The following HS3ST4 variants were observed in gnomAD, a reference collection of about 807,000 sequenced individuals.
The protein encoded by HS3ST4 is heparan sulfate glucosamine 3-O-sulfotransferase 4.
A neutral mutation model predicts 29.2 loss-of-function variants in HS3ST4; 17 were observed. The observed-to-expected ratio is 0.58, with a 90% CI of 0.40 to 0.87. The LOEUF (loss-of-function observed/expected upper bound fraction) is 0.87, where lower values mean the gene tolerates loss of function less well. HS3ST4 is among the 40% of genes least tolerant of loss of function. The pLI is 0.00. For synonymous variants in HS3ST4, 314 were observed against 285.7 expected (o/e 1.10, Z -1.00); for missense variants, 627 against 634.5 (o/e 0.99, Z 0.13).
chr16:26,059,969 G>A (rs905884387), intron 1 of HS3ST4, among the ~76,000 whole-genome samples: 1 of 151,984 alleles, frequency 6.6e-6, no homozygotes, highest in South Asian at 2.1e-4. Context: ...TAGTAGAGAT[G>A]GGGTTTCACT....
At chr16:26,060,964 T>C (rs1163723167) in intron 1 of HS3ST4, among the ~76,000 whole-genome samples, 2 of 152,228 alleles carry the variant, frequency 1.3e-5, no homozygotes, top group Admixed American at 6.5e-5. Context: ...CTCAGTATTT[T>C]ATAAAGATGT....
At chr16:26,107,798 G>T (rs896084993) in intron 1 of HS3ST4, among the ~76,000 whole-genome samples, 1 of 152,134 alleles carries the variant, frequency 6.6e-6, no homozygotes, top group African/African-American at 2.4e-5. Context: ...TCGGTTGATA[G>T]GCTCTTAGGT....
chr16:25,736,045 C>G (rs1271530282), intron 1 of HS3ST4, among the ~76,000 whole-genome samples: 2 of 152,238 alleles, frequency 1.3e-5, no homozygotes. Flanking sequence ...TTCTACCTAA[C>G]TTTGCAATAC....
chr16:26,117,417 T>G lies in HS3ST4; in HGVS notation c.735-18195T>G, dbSNP rs185838256. On this transcript the variant is annotated intron_variant, in intron 1 of 1. Coordinates refer to ENST00000331351, the MANE Select transcript of HS3ST4 (RefSeq NM_006040.3). ...TTTGAGTTTATCCCTGACTTGTAAC[T>G]TGCCTTCTAGCGTGAACTCTGAAAT... 2.4e-3 allele frequency among the ~76,000 whole-genome samples: 361 copies of G among 152,356 alleles called. 1 individual carries two copies. The highest frequency in any genetic ancestry group is 4.3e-3 in the Non-Finnish European group (295 of 68,036).
intron 1 of HS3ST4, among the ~76,000 whole-genome samples, chr16:25,908,529 A>T (rs1013958951): frequency 6.6e-6 from 1 of 152,118 alleles, no homozygotes; most frequent in Non-Finnish European, 1.5e-5. Context: ...ATCTCACCCT[A>T]AAGGTGAGGT....
intron 1 of HS3ST4, among the ~76,000 whole-genome samples, chr16:25,873,417 C>CCATCCACCCATCCATCCATTTGT (rs1555470002): frequency 1.8e-4 from 19 of 103,310 alleles, no homozygotes; most frequent in African/African-American, 4.2e-4. Flanking sequence ...CATCCATCCA[C>CCATCCACCCATCCATCCATTTGT]CCATCCATCC....
chr16:25,828,291 T>TCC lies in HS3ST4; in HGVS notation c.734+135141_734+135142insCC, dbSNP rs1232021751. Among the ~76,000 whole-genome samples, 65 of 89,492 alleles carry TCC rather than the reference T, an allele frequency of 7.3e-4. 1 individual carries two copies. The highest frequency in any genetic ancestry group is 1.9e-3 in the South Asian group (4 of 2,148). The allele number at this position is 89,492 out of a possible 152,430, so 58.7% of individuals were successfully genotyped here. On this transcript the variant is annotated intron_variant, in intron 1 of 1. Coordinates refer to ENST00000331351, the MANE Select transcript of HS3ST4 (RefSeq NM_006040.3). Reference sequence around the variant, plus strand: ...TTCTTTCTTTCTTTCTTTCTTTCTTTCTTTCTTTCCCTCTCTCTCTCTCTC... The same window carrying TCC: ...TTCTTTCTTTCTTTCTTTCTTTCTTTCCCTTTCTTTCCCTCTCTCTCTCTCTC...
At chr16:25,981,626 TA>T (rs1969006901) in intron 1 of HS3ST4, among the ~76,000 whole-genome samples, 1 of 147,168 alleles carries the variant, frequency 6.8e-6, no homozygotes, top group Non-Finnish European at 1.5e-5. Context: ...TTTTTTTTTT[TA>T]GACGGAATCT....
At chr16:25,942,344 G>A (rs1232920161) in intron 1 of HS3ST4, among the ~76,000 whole-genome samples, 2 of 152,166 alleles carry the variant, frequency 1.3e-5, no homozygotes, top group East Asian at 3.9e-4. Context: ...AGTTCTGAAT[G>A]TTTGTTGAGC....
chr16:25,813,011 A>G (rs938814999), intron 1 of HS3ST4, among the ~76,000 whole-genome samples: 1 of 152,188 alleles, frequency 6.6e-6, no homozygotes, highest in African/African-American at 2.4e-5. Context: ...GGCTCAACTC[A>G]CAGACTAGAT....
chr16:25,790,420 CAT>C (rs1026373463), intron 1 of HS3ST4, among the ~76,000 whole-genome samples: 10 of 151,694 alleles, frequency 6.6e-5, no homozygotes, highest in African/African-American at 2.2e-4. Context: ...AAAACAAAAA[CAT>C]AAAGAAAAAC....
intron 1 of HS3ST4, among the ~76,000 whole-genome samples, chr16:25,908,644 AG>A (rs1471609143): frequency 1.3e-5 from 2 of 152,228 alleles, no homozygotes; most frequent in East Asian, 3.9e-4. Context: ...CAAACCCTCA[AG>A]GTCAAGTGTA....
chr16:25,862,163 A>ATATTTATTTATTTATT (rs60894635), intron 1 of HS3ST4, among the ~76,000 whole-genome samples: 23 of 144,702 alleles, frequency 1.6e-4, no homozygotes, highest in Non-Finnish European at 2.3e-4. Context: ...ATTTATTTAC[A>ATATTTATTTATTTATT]TATTTATTTA....
At chr16:25,947,130 C>G (rs1484638818) in intron 1 of HS3ST4, among the ~76,000 whole-genome samples, 1 of 152,114 alleles carries the variant, frequency 6.6e-6, no homozygotes, top group African/African-American at 2.4e-5. Flanking sequence ...AAAGATGGCT[C>G]TGATCGCAAT....
At chr16:25,950,690 A>G (rs984754185) in intron 1 of HS3ST4, among the ~76,000 whole-genome samples, 1 of 152,094 alleles carries the variant, frequency 6.6e-6, no homozygotes, top group Admixed American at 6.6e-5. Context: ...TGGAGACTGC[A>G]TTCCTGAGCC....
At position 25,881,162 on chromosome 16, in the gene HS3ST4, C is replaced by G. The variant is rs552229513; in HGVS notation, c.734+188011C>G. 3.3e-5 allele frequency among the ~76,000 whole-genome samples: 5 copies of G among 152,194 alleles called. No individual in the cohort carries two copies. In the East Asian group the frequency reaches 7.7e-4, roughly 24 times the overall value. ...ATAAATAAACAAGAATGGTAGGAGA[C>G]AAGAATGAGAACCCTTCGTAGGCAA... On this transcript the variant is annotated intron_variant, in intron 1 of 1. Transcript: ENST00000331351.
intron 1 of HS3ST4, among the ~76,000 whole-genome samples, chr16:26,120,196 G>A (rs1899256982): frequency 1.3e-5 from 2 of 152,014 alleles, no homozygotes; most frequent in Admixed American, 6.6e-5. Flanking sequence ...ACCTCACAAG[G>A]TGTATGCATC....
At chr16:26,128,585 C>T (rs1044398982) in intron 1 of HS3ST4, among the ~76,000 whole-genome samples, 2 of 152,162 alleles carry the variant, frequency 1.3e-5, no homozygotes. Flanking sequence ...AATGGTTTGA[C>T]TTTTTGCCTT....
rs138130979 is a variant in HS3ST4 at position 25,963,296 on chromosome 16, G to A, written c.735-172316G>A. Among the ~76,000 whole-genome samples, 542 of 152,172 alleles carry A rather than the reference G, an allele frequency of 3.6e-3. 4 individuals are homozygous for A. Among genetic ancestry groups the A allele is most frequent in the African/African-American group, 0.012 (516 of 41,508 alleles). On this transcript the variant is annotated intron_variant, in intron 1 of 1. Coordinates refer to ENST00000331351, the MANE Select transcript of HS3ST4 (RefSeq NM_006040.3). Reference sequence around the variant, plus strand: ...TTCTTGACTAACTCTAGTTCGTCATGTTCCTGATAGCTGAATGTCAAGTCT... The same window carrying A: ...TTCTTGACTAACTCTAGTTCGTCATATTCCTGATAGCTGAATGTCAAGTCT...
Sources: gnomAD v4.1 joint callset for allele counts (sites outside exome capture counted in the v4.1 genomes callset) on GRCh38, gnomAD v4.1.1 for gene constraint, MANE v1.5 for transcripts, NCBI Gene and HGNC (gene_info 2026-07-23, HGNC 2026-07-21) for gene names.